The following GNAL variants were observed in gnomAD, a reference collection of about 807,000 sequenced individuals.
The protein encoded by GNAL is guanine nucleotide-binding protein G(olf) subunit alpha.
A neutral mutation model predicts 55.1 loss-of-function variants in GNAL; 18 were observed. That is an observed-to-expected ratio of 0.33 (90% confidence interval 0.23 to 0.48). GNAL has a LOEUF of 0.48. Ranked by LOEUF, GNAL falls within the 20% of genes least tolerant of loss-of-function variation. The probability of loss-of-function intolerance (pLI) is 0.99; values close to 1 mark genes in which losing one functional copy is unlikely to be tolerated. For missense variants in GNAL, 412 were observed against 614.1 expected (o/e 0.67, Z 3.48); for synonymous variants, 253 against 237.0 (o/e 1.07, Z -0.62).
chr18:11,711,124 C>G (rs1013501338), intron 1 of GNAL, among the ~76,000 whole-genome samples: 5 of 152,200 alleles, frequency 3.3e-5, no homozygotes, highest in African/African-American at 4.8e-5. Context: ...ATCCACCCAC[C>G]TCAGCCTCCC....
At chr18:11,705,691 C>G (rs985457528) in intron 1 of GNAL, among the ~76,000 whole-genome samples, 1 of 151,422 alleles carries the variant, frequency 6.6e-6, no homozygotes, top group African/African-American at 2.4e-5. Context: ...TTTGATTTGC[C>G]ATTTTCCTCA....
chr18:11,716,768 G>T (rs941835132), intron 1 of GNAL, among the ~76,000 whole-genome samples: 2 of 152,166 alleles, frequency 1.3e-5, no homozygotes, highest in Non-Finnish European at 2.9e-5. Flanking sequence ...ATGCTGATTG[G>T]TGTATTTACA....
chr18:11,881,226 A>C lies in GNAL; in HGVS notation c.*91A>C. Reference sequence around the variant, plus strand: ...GGTAGGAGGCAGAGTCTCTAGTTCCATCTCGCTGCCGTCTGTCCCGTTCTG... The same window carrying C: ...GGTAGGAGGCAGAGTCTCTAGTTCCCTCTCGCTGCCGTCTGTCCCGTTCTG... On this transcript the variant is annotated 3_prime_UTR_variant, in exon 12 of 12. Transcript: ENST00000334049. The surrounding 1 kb of genome is among the most constrained non-coding windows in gnomAD (Gnocchi z 4.8). 5 of 1,267,332 alleles carry C rather than the reference A, an allele frequency of 3.9e-6. No individual in the cohort carries two copies. The highest frequency in any genetic ancestry group is 1.4e-5 in the South Asian group (1 of 69,258). 78.5% of individuals were successfully genotyped at this position (1,267,332 alleles called of 1,614,324 possible).
chr18:11,773,382 TAA>T (rs2033689660), intron 4 of GNAL, among the ~76,000 whole-genome samples: 1 of 152,212 alleles, frequency 6.6e-6, no homozygotes, highest in Non-Finnish European at 1.5e-5. Flanking sequence ...ACACACTACA[TAA>T]CCAGTCTCTG....
At chr18:11,774,101 T>C (rs911098785) in intron 4 of GNAL, among the ~76,000 whole-genome samples, 2 of 152,190 alleles carry the variant, frequency 1.3e-5, no homozygotes, top group African/African-American at 4.8e-5. Context: ...ATTCAGTAAA[T>C]GTGAGATGTC....
At chr18:11,792,509 C>T (rs2034267024) in intron 4 of GNAL, among the ~76,000 whole-genome samples, 1 of 152,202 alleles carries the variant, frequency 6.6e-6, no homozygotes, top group African/African-American at 2.4e-5. Context: ...TTTCTAATTA[C>T]TTGGTATGTC....
rs1321082821 is a variant in GNAL, at chr18:11,724,479, T to C, written c.377-28374T>C. On this transcript the variant is annotated intron_variant, in intron 1 of 11. Coordinates refer to ENST00000334049, the MANE Select transcript of GNAL (RefSeq NM_182978.4). ...ACGGTGCAGTGCTGTAGCTGTTCTC[T>C]TATTGGGGGTGCTTGCAAATCATGC... 3.3e-5 allele frequency among the ~76,000 whole-genome samples: 5 copies of C among 152,222 alleles called. 1 individual carries two copies.
intron 1 of GNAL, among the ~76,000 whole-genome samples, chr18:11,739,130 A>T (rs1598421455): frequency 6.6e-6 from 1 of 152,170 alleles, no homozygotes; most frequent in East Asian, 1.9e-4. Context: ...GATTCAGGGA[A>T]ATTCTTACAG....
chr18:11,820,581 A>T (rs1029979410), intron 4 of GNAL, among the ~76,000 whole-genome samples: 1 of 152,262 alleles, frequency 6.6e-6, no homozygotes, highest in Non-Finnish European at 1.5e-5. Context: ...GGATGAAAAG[A>T]AATTGGCCAT....
In GNAL at chr18:11,751,024, A is replaced by G. The variant is rs576204908; in HGVS notation, c.377-1829A>G. On this transcript the variant is annotated intron_variant, in intron 1 of 11. Coordinates refer to ENST00000334049, the MANE Select transcript of GNAL (RefSeq NM_182978.4). The surrounding 1 kb of genome is among the most constrained non-coding windows in gnomAD (Gnocchi z 4.5). ...CGGGCTGGGGTCTGTTCTCCTGAAG[A>G]AGGCCAGCTCCGCAGTGAAGAAGAC... is the stretch of plus-strand genomic sequence containing the variant. 3.1e-4 allele frequency among the ~76,000 whole-genome samples: 47 copies of G among 152,196 alleles called. No individual in the cohort carries two copies. The South Asian group carries it at 9.8e-3, about 32-fold the overall frequency.
chr18:11,718,996 CA>C (rs2032034706), intron 1 of GNAL, among the ~76,000 whole-genome samples: 1 of 151,698 alleles, frequency 6.6e-6, no homozygotes, highest in Admixed American at 6.6e-5. Context: ...CACAAACTAA[CA>C]AAAAGAAAAT....
At chr18:11,748,459 C>A (rs2032739778) in intron 1 of GNAL, among the ~76,000 whole-genome samples, 1 of 152,140 alleles carries the variant, frequency 6.6e-6, no homozygotes, top group East Asian at 1.9e-4. Context: ...TAACTAGAAG[C>A]AGTTTTATAG....
At chr18:11,830,751 A>G (rs1367898488) in intron 5 of GNAL, among the ~76,000 whole-genome samples, 2 of 152,270 alleles carry the variant, frequency 1.3e-5, no homozygotes, top group African/African-American at 4.8e-5. Flanking sequence ...AAGAATGTAT[A>G]GACAAAACGT....
At chr18:11,841,610 A>C (rs150393398) in intron 5 of GNAL, among the ~76,000 whole-genome samples, 1,812 of 150,284 alleles carry the variant, frequency 0.012, 24 homozygotes, top group Non-Finnish European at 0.02. Flanking sequence ...CTGCCACTGC[A>C]CTTCAGCCTG....
At chr18:11,723,447 T>A (rs1328279269) in intron 1 of GNAL, among the ~76,000 whole-genome samples, 1 of 152,168 alleles carries the variant, frequency 6.6e-6, no homozygotes, top group Non-Finnish European at 1.5e-5. Flanking sequence ...TAATCCCTGG[T>A]CTAGACTCTA....
chr18:11,725,871 G>T (rs1399392109), intron 1 of GNAL, among the ~76,000 whole-genome samples: 2 of 152,204 alleles, frequency 1.3e-5, no homozygotes, highest in East Asian at 3.8e-4. Context: ...TAAAGCAGCT[G>T]TAACATTTTG....
At chr18:11,793,655 G>A (rs867531439) in intron 4 of GNAL, among the ~76,000 whole-genome samples, 5 of 145,440 alleles carry the variant, frequency 3.4e-5, no homozygotes, top group African/African-American at 5.3e-5. Context: ...GCCAGGCGCA[G>A]TGGCTCACGC....
At position 11,849,747 on chromosome 18, in the gene GNAL, TCTA is replaced by T. The variant is rs201389978; in HGVS notation, c.723-12645_723-12643del. Among the ~76,000 whole-genome samples the T allele has an allele frequency of 1.9e-3, 292 of 152,276 alleles. 3 individuals carry two copies. Among genetic ancestry groups the T allele is most frequent in the African/African-American group, 6.7e-3 (278 of 41,562 alleles). ...GAAAAGTTTCATTTGGAAAAAGGGT[TCTA>T]CTGCTTTGCGGGGCAAAAAGGAACC... On this transcript the variant is annotated intron_variant, in intron 5 of 11. Coordinates refer to ENST00000334049, the MANE Select transcript of GNAL (RefSeq NM_182978.4).
At chr18:11,865,488 G>A (rs571294179) in intron 7 of GNAL, among the ~76,000 whole-genome samples, 5 of 148,362 alleles carry the variant, frequency 3.4e-5, no homozygotes, top group South Asian at 2.1e-4. Context: ...AGTGATTCAC[G>A]CCTGTAATCT....
Sources: gnomAD v4.1 joint callset for allele counts (sites outside exome capture counted in the v4.1 genomes callset) on GRCh38, gnomAD v4.1.1 for gene constraint, Gnocchi (gnomAD v3.1) non-coding constraint, MANE v1.5 for transcripts, NCBI Gene and HGNC (gene_info 2026-07-23, HGNC 2026-07-21) for gene names.